The following HSPBAP1 variants were observed in gnomAD, a reference collection of about 807,000 sequenced individuals.
HSPBAP1 encodes HSPB1 associated protein 1.
HSPBAP1 carries 27 observed loss-of-function variants against 45.2 expected under a neutral mutation model. The observed-to-expected ratio is 0.60, with a 90% CI of 0.44 to 0.82. The LOEUF is 0.82. Ranked by LOEUF, HSPBAP1 falls within the 40% of genes least tolerant of loss-of-function variation. The pLI is 0.00. For synonymous variants in HSPBAP1, 204 were observed against 202.7 expected (o/e 1.01, Z -0.06); for missense variants, 510 against 590.9 (o/e 0.86, Z 1.42).
chr3:122,747,110 G>A (rs1425830561), intron 6 of HSPBAP1, among the ~76,000 whole-genome samples: 4 of 152,026 alleles, frequency 2.6e-5, no homozygotes, highest in East Asian at 1.9e-4. Context: ...CTGCCTGGCC[G>A]CCTATCGTCT....
At chr3:122,743,118 C>G (rs1484055672) in intron 6 of HSPBAP1, among the ~76,000 whole-genome samples, 2 of 152,182 alleles carry the variant, frequency 1.3e-5, no homozygotes, top group Non-Finnish European at 2.9e-5. Flanking sequence ...TTTAGCCAGG[C>G]TATAGCATGC....
chr3:122,785,270 T>C (rs181310708), intron 1 of HSPBAP1, among the ~76,000 whole-genome samples: 42 of 152,342 alleles, frequency 2.8e-4, no homozygotes, highest in Admixed American at 2.5e-3. Context: ...TAGTTGCCTG[T>C]GACAAAGACT....
chr3:122,764,611 A>G (rs1474455415), intron 3 of HSPBAP1, among the ~76,000 whole-genome samples: 1 of 152,244 alleles, frequency 6.6e-6, no homozygotes, highest in African/African-American at 2.4e-5. Context: ...TTTTGTGTAT[A>G]GCAAATAAAA....
intron 2 of HSPBAP1, among the ~76,000 whole-genome samples, chr3:122,774,583 A>G (rs769474527): frequency 3.3e-5 from 5 of 152,334 alleles, no homozygotes; most frequent in Middle Eastern, 3.4e-3. Flanking sequence ...AAGCAGAGAA[A>G]TAAGATTAGA....
intron 3 of HSPBAP1, among the ~76,000 whole-genome samples, chr3:122,765,550 C>T: frequency 7.0e-6 from 1 of 143,336 alleles, no homozygotes; most frequent in Admixed American, 7.2e-5. Flanking sequence ...GACTGCACTC[C>T]AGCCTGGGTG....
At chr3:122,751,908 C>T (rs115567313) in intron 6 of HSPBAP1, among the ~76,000 whole-genome samples, 4 of 152,138 alleles carry the variant, frequency 2.6e-5, no homozygotes, top group Admixed American at 1.3e-4. Context: ...GGAGAGGATA[C>T]GGCTGTCAAA....
At chr3:122,778,221 T>G (rs904722911) in intron 1 of HSPBAP1, among the ~76,000 whole-genome samples, 14 of 151,362 alleles carry the variant, frequency 9.2e-5, no homozygotes, top group Admixed American at 2.0e-4. Flanking sequence ...TTTTGTTGTT[T>G]TTTTTTTTTA....
intron 3 of HSPBAP1, among the ~76,000 whole-genome samples, chr3:122,765,021 T>C (rs952228472): frequency 1.3e-5 from 2 of 152,206 alleles, no homozygotes; most frequent in Non-Finnish European, 2.9e-5. Context: ...TGAGAGCATG[T>C]TGAAATTGAG....
chr3:122,755,280 C>A lies in HSPBAP1; in HGVS notation c.721G>T (p.Val241Phe). ...PQFRKAQRHA[V>F]TLSPGQVLFV... ...ATTACCTGTCCTGGGCTCAGTGTAA[C>A]CGCATGTCTTTGAGCTTTCCGGAAC... is the stretch of plus-strand genomic sequence containing the variant. The change falls in exon 5 of 8, where the codon GTT becomes TTT. Residue 241 changes from valine (V) to phenylalanine (F), a missense_variant. By Grantham distance (50) the Val-to-Phe change is conservative. Coordinates refer to ENST00000306103, the MANE Select transcript of HSPBAP1 (RefSeq NM_024610.6). 6.3e-7 allele frequency: 1 copy of A among 1,589,198 alleles called. No homozygotes were observed. Among genetic ancestry groups the A allele is most frequent in the Non-Finnish European group, 8.5e-7 (1 of 1,170,982 alleles).
chr3:122,780,225 G>A (rs1450605393), intron 1 of HSPBAP1, among the ~76,000 whole-genome samples: 2 of 66,332 alleles, frequency 3.0e-5, no homozygotes, highest in South Asian at 1.2e-3. Context: ...GCGGCTGGCC[G>A]GGCGGGGGGC....
At chr3:122,793,272 A>G (rs948731875) in intron 1 of HSPBAP1, among the ~76,000 whole-genome samples, 1 of 152,214 alleles carries the variant, frequency 6.6e-6, no homozygotes, top group Admixed American at 6.5e-5. Context: ...ACTTCCATTA[A>G]TCTCAAAGGT....
intron 6 of HSPBAP1, among the ~76,000 whole-genome samples, chr3:122,744,730 A>T (rs1933785090): frequency 6.6e-6 from 1 of 152,232 alleles, no homozygotes; most frequent in African/African-American, 2.4e-5. Flanking sequence ...AAAGATGACT[A>T]AATAGTATAT....
At chr3:122,777,957 C>G (rs775216470) in intron 1 of HSPBAP1, 51 bp from the exon 2 acceptor site, 2 of 1,260,770 alleles carry the variant, frequency 1.6e-6, no homozygotes, top group Non-Finnish European at 2.3e-6. Flanking sequence ...CAAGTTTTTT[C>G]ATACAATATG....
intron 1 of HSPBAP1, among the ~76,000 whole-genome samples, chr3:122,781,082 G>C (rs10238812): frequency 6.6e-6 from 1 of 150,860 alleles, no homozygotes; most frequent in African/African-American, 2.4e-5. Flanking sequence ...TGGGCAGCCG[G>C]GCAGAGGGGC....
At chr3:122,772,692 T>C (rs979247673) in intron 2 of HSPBAP1, among the ~76,000 whole-genome samples, 1 of 152,066 alleles carries the variant, frequency 6.6e-6, no homozygotes, top group Non-Finnish European at 1.5e-5. Flanking sequence ...AGAATATTTC[T>C]CTATTTTCAG....
intron 6 of HSPBAP1, among the ~76,000 whole-genome samples, chr3:122,742,877 G>C (rs1055802294): frequency 1.3e-5 from 2 of 152,096 alleles, no homozygotes; most frequent in Non-Finnish European, 2.9e-5. Context: ...TCAATCTCTT[G>C]TTCTCTATAT....
chr3:122,780,375 C>T (rs1305269263), intron 1 of HSPBAP1, among the ~76,000 whole-genome samples: 1 of 110,052 alleles, frequency 9.1e-6, no homozygotes, highest in Non-Finnish European at 1.9e-5. Context: ...GCTGACCGGG[C>T]GGGGGGCTGA....
At chr3:122,743,852 C>T (rs569425582) in intron 6 of HSPBAP1, among the ~76,000 whole-genome samples, 35 of 151,982 alleles carry the variant, frequency 2.3e-4, no homozygotes, top group African/African-American at 8.4e-4. Context: ...ATGCAAGTTA[C>T]TGATAAAATT....
At chr3:122,754,507 C>T (rs12496363) in intron 5 of HSPBAP1, 733,546 of 980,146 alleles carry the variant, frequency 0.75, 276,895 homozygotes, top group Non-Finnish European at 0.77. Context: ...ACTAACAGGT[C>T]GAGGCAACTC....
Sources: gnomAD v4.1 joint callset for allele counts (sites outside exome capture counted in the v4.1 genomes callset) on GRCh38, gnomAD v4.1.1 for gene constraint, MANE v1.5 for transcripts, NCBI Gene and HGNC (gene_info 2026-07-23, HGNC 2026-07-21) for gene names.